CFAP161: variants seen among roughly 807,000 people sequenced by gnomAD.
CFAP161 encodes cilia and flagella associated protein 161.
A neutral mutation model predicts 29.0 loss-of-function variants in CFAP161; 25 were observed. That is an observed-to-expected ratio of 0.86 (90% CI 0.63 to 1.20). The LOEUF is 1.20. CFAP161 is among the 50% of genes most tolerant of loss of function. CFAP161 has a pLI of 0.00. For synonymous variants in CFAP161, 116 were observed against 137.4 expected (o/e 0.84, Z 1.09); for missense variants, 367 against 371.9 (o/e 0.99, Z 0.11).
chr15:81,120,370 G>C (rs768727275), intron 1 of CFAP161, among the ~76,000 whole-genome samples: 4 of 152,226 alleles, frequency 2.6e-5, no homozygotes, highest in Non-Finnish European at 5.9e-5. Flanking sequence ...GGAAAGCCAA[G>C]AGTATGGAAT....
At chr15:81,140,640 C>T (rs530176825) in intron 4 of CFAP161, among the ~76,000 whole-genome samples, 28 of 152,156 alleles carry the variant, frequency 1.8e-4, no homozygotes, top group African/African-American at 6.7e-4. Flanking sequence ...TTCACTGCAG[C>T]TTCCACCTCC....
Position 81,143,564 on chromosome 15 carries a change from C to T in CFAP161, c.478-98C>T. 3.0e-6 allele frequency: 4 copies of T among 1,337,762 alleles called. No homozygotes were observed. In the South Asian group the frequency reaches 4.1e-5, roughly 14 times the overall value. The allele number at this position is 1,337,762 out of a possible 1,614,324, so 82.9% of individuals were successfully genotyped here. A position where few individuals can be genotyped will look rare whatever the true frequency, so the allele number is the denominator to read the frequency against. ...GTAAGAACAGAGTTTTTGAGAACTG[C>T]TTTGAATGTGCTTGCCGTCCAGCCA... On this transcript the variant is annotated intron_variant, in intron 4 of 6. Coordinates refer to ENST00000286732, the MANE Select transcript of CFAP161 (RefSeq NM_173528.4).
At chr15:81,100,015 C>T (rs1894284286) in intron 1 of CFAP161, among the ~76,000 whole-genome samples, 1 of 151,810 alleles carries the variant, frequency 6.6e-6, no homozygotes, top group Non-Finnish European at 1.5e-5. Context: ...TATTAAAGTA[C>T]ATAAGATAAT....
In CFAP161 at chr15:81,143,745, C is replaced by T; in HGVS notation, c.561C>T (p.Val187=). The T allele has an allele frequency of 6.2e-7, 1 of 1,614,162 alleles. No individual in the cohort carries two copies. The change falls in exon 5 of 7, where the codon GTC becomes GTT. Residue 187 remains valine, a synonymous_variant. Transcript: ENST00000286732. ...AGGAAGTGTACCTAACAGATGAGGT[C>T]TCCCATGTGAACTGCTGGCAGGCTG... ...WLQEVYLTDE[V]SHVNCWQAAF...
At chr15:81,103,962 A>G (rs1018676933) in intron 1 of CFAP161, among the ~76,000 whole-genome samples, 2 of 111,096 alleles carry the variant, frequency 1.8e-5, no homozygotes, top group Non-Finnish European at 5.1e-5. Context: ...TTCTATGTTG[A>G]TGGTTATTGT....
intron 1 of CFAP161, among the ~76,000 whole-genome samples, chr15:81,099,860 G>T (rs1894282179): frequency 6.6e-6 from 1 of 152,056 alleles, no homozygotes; most frequent in Admixed American, 6.6e-5. Context: ...CCTAAAGGTA[G>T]GTAAATCTTC....
chr15:81,147,816 A>C (rs1341583042), intron 5 of CFAP161, 42 bp from the exon 6 acceptor site: 4 of 1,482,240 alleles, frequency 2.7e-6, no homozygotes, highest in East Asian at 4.6e-5. Context: ...CAAAAAAAAA[A>C]ATGTTTAGAA....
At chr15:81,120,601 CCA>C (rs545440851) in intron 1 of CFAP161, among the ~76,000 whole-genome samples, 1 of 151,728 alleles carries the variant, frequency 6.6e-6, no homozygotes, top group Non-Finnish European at 1.5e-5. Flanking sequence ...GACCTCGTCT[CCA>C]CACACACACA....
Position 81,136,638 on chromosome 15 carries a change from G to A in CFAP161, c.282G>A (p.Met94Ile), listed in dbSNP as rs762353686. The A allele has an allele frequency of 6.2e-7, 1 of 1,614,142 alleles. No homozygotes were observed. The highest frequency in any genetic ancestry group is 1.1e-5 in the South Asian group (1 of 91,068). The change falls in exon 3 of 7, where the codon ATG becomes ATA. Residue 94 changes from methionine (M) to isoleucine (I), a missense_variant. By Grantham distance (10) the Met-to-Ile change is conservative. Coordinates refer to ENST00000286732, the MANE Select transcript of CFAP161 (RefSeq NM_173528.4). ...VFLRGDLSLC[M>I]TPDEIQSHLK... Reference sequence around the variant, plus strand: ...TGCGTGGGGACCTGAGCCTGTGTATGACTCCAGATGAAATTCAGTCCCATC... The same window carrying A: ...TGCGTGGGGACCTGAGCCTGTGTATAACTCCAGATGAAATTCAGTCCCATC...
At chr15:81,101,402 C>A (rs1894301611) in intron 1 of CFAP161, among the ~76,000 whole-genome samples, 1 of 151,704 alleles carries the variant, frequency 6.6e-6, no homozygotes, top group South Asian at 2.1e-4. Flanking sequence ...TGGCAGGCAC[C>A]TGTAATCCCG....
intron 1 of CFAP161, chr15:81,118,445 G>A: frequency 5.1e-6 from 1 of 194,332 alleles, no homozygotes; most frequent in South Asian, 9.6e-5. Context: ...ACAGCCACCT[G>A]AGGGCACGAA....
At chr15:81,115,781 G>C (rs1164368600) in intron 1 of CFAP161, among the ~76,000 whole-genome samples, 3 of 151,794 alleles carry the variant, frequency 2.0e-5, no homozygotes, top group African/African-American at 7.3e-5. Flanking sequence ...TCAAGCTCAA[G>C]TGATCTCTTA....
chr15:81,114,254 C>G (rs1480764671), intron 1 of CFAP161, among the ~76,000 whole-genome samples: 3 of 152,164 alleles, frequency 2.0e-5, no homozygotes, highest in African/African-American at 7.2e-5. Flanking sequence ...TGCATATAAA[C>G]ATTTATACTT....
upstream of CFAP161, among the ~76,000 whole-genome samples, chr15:81,133,220 TATATG>T (rs1567156446): frequency 1.6e-3 from 50 of 30,334 alleles, 1 homozygote; most frequent in Non-Finnish European, 2.5e-3. Context: ...TATATATATA[TATATG>T]TATTTTTTTT....
chr15:81,130,844 GA>G (rs1279458105), upstream of CFAP161, among the ~76,000 whole-genome samples: 2 of 152,148 alleles, frequency 1.3e-5, no homozygotes, highest in Non-Finnish European at 2.9e-5. Context: ...GGCCTGAGGA[GA>G]GGGAGAGAGA....
rs149510483 is a variant in CFAP161 at position 81,101,076 on chromosome 15, T to C, written c.-141-26514T>C. 1.9e-3 allele frequency among the ~76,000 whole-genome samples: 284 copies of C among 152,324 alleles called. 1 individual carries two copies. The highest frequency in any genetic ancestry group is 2.9e-3 in the Non-Finnish European group (194 of 68,026). On this transcript the variant is annotated intron_variant, in intron 1 of 4. Coordinates refer to the CFAP161 transcript ENST00000560091. ...ACTGGGGCAAACATTCCACATCTCA[T>C]TTCTGATCAATCCAGCCTTCCTTCT...
chr15:81,110,775 A>G (rs1418386384), intron 1 of CFAP161, among the ~76,000 whole-genome samples: 1 of 152,186 alleles, frequency 6.6e-6, no homozygotes, highest in Non-Finnish European at 1.5e-5. Context: ...GATCAAGGGC[A>G]CTAAAAAGGG....
intron 1 of CFAP161, among the ~76,000 whole-genome samples, chr15:81,125,028 C>T (rs940040487): frequency 2.0e-5 from 3 of 150,782 alleles, no homozygotes; most frequent in Non-Finnish European, 4.4e-5. Flanking sequence ...GCATAGATAC[C>T]AGAGTATCTA....
upstream of CFAP161, among the ~76,000 whole-genome samples, chr15:81,133,894 TTGCTGCTGCTGC>T (rs67632824): frequency 2.0e-5 from 3 of 149,720 alleles, no homozygotes; most frequent in East Asian, 4.0e-4. Context: ...TAGGGCGAAA[TTGCTGCTGCTGC>T]TGCTGCTGCT....
Sources: allele counts gnomAD v4.1 joint callset (sites outside exome capture counted in the v4.1 genomes callset), GRCh38; gene constraint gnomAD v4.1.1; transcripts MANE v1.5; gene names NCBI Gene and HGNC (gene_info 2026-07-23, HGNC 2026-07-21).